The following HDAC2 variants were observed in gnomAD, a reference collection of about 807,000 sequenced individuals.
HDAC2 encodes the protein histone deacetylase 2, also known as YY1-associated factor 1.
A neutral mutation model predicts 68.5 loss-of-function variants in HDAC2; 5 were observed. That is an observed-to-expected ratio of 0.07 (90% CI 0.04 to 0.15). The LOEUF is 0.15. Among genes scored for constraint, HDAC2 ranks in the 10% least tolerant of loss-of-function variants. The probability of loss-of-function intolerance (pLI) is 1.00; values close to 1 mark genes in which losing one functional copy is unlikely to be tolerated. For synonymous variants in HDAC2, 182 were observed against 191.3 expected (o/e 0.95, Z 0.40); for missense variants, 291 against 600.8 (o/e 0.48, Z 5.39).
chr6:113,963,584 T>C (rs1348168029), intron 1 of HDAC2, among the ~76,000 whole-genome samples: 1 of 152,208 alleles, frequency 6.6e-6, no homozygotes, highest in Non-Finnish European at 1.5e-5. Flanking sequence ...ACCAACTTAA[T>C]AGTCAAGGAA....
At chr6:113,956,977 TTTAA>T (rs200368035) in intron 3 of HDAC2, 5,296 of 261,210 alleles carry the variant, frequency 0.02, 77 homozygotes, top group Middle Eastern at 0.05. Context: ...ACAATTCTTA[TTTAA>T]TTAAAACACA....
chr6:113,945,197 TAA>T (rs34041761), intron 10 of HDAC2, among the ~76,000 whole-genome samples, 163 bp downstream of exon 10: 38 of 134,852 alleles, frequency 2.8e-4, no homozygotes, highest in East Asian at 4.3e-4. Flanking sequence ...AATTAAAAAT[TAA>T]AAAAAAAAAA....
intron 5 of HDAC2, among the ~76,000 whole-genome samples, chr6:113,954,136 T>C (rs905098811): frequency 1.3e-5 from 2 of 152,264 alleles, no homozygotes; most frequent in African/African-American, 4.8e-5. Flanking sequence ...AATCACCATG[T>C]CATGACATTT....
chr6:113,937,242 C>T lies in HDAC2; in HGVS notation c.*3816G>A, dbSNP rs1324155049. On this transcript the variant is annotated 3_prime_UTR_variant, in exon 14 of 14. Transcript: ENST00000519065. ...AATATGAATAACAAATATTATGAAT[C>T]GCAGTTATCAAAAAAACTTCAGCAG... 6.6e-6 allele frequency: 1 copy of T among 152,166 alleles called. No individual in the cohort carries two copies. Among genetic ancestry groups the T allele is most frequent in the Non-Finnish European group, 1.5e-5 (1 of 68,034 alleles). The allele number at this position is 152,166 out of a possible 1,614,324, so 9.4% of individuals were successfully genotyped here.
At position 113,956,689 on chromosome 6, in the gene HDAC2, A is replaced by G. The variant is rs199686578; in HGVS notation, c.288T>C (p.Asn96=). The stretch of plus-strand genomic sequence containing the variant: ...CAAACACTGGACAATCTTCTCCAAC[A>G]TTAACTGTGGAAGATGGATTTCATT... The part of the protein sequence containing the change: ...SEYSKQMQRF[N]VGEDCPVFDG... The change falls in exon 4 of 14, where the codon AAT becomes AAC. Residue 96 remains asparagine, a synonymous_variant. Coordinates refer to ENST00000519065, the MANE Select transcript of HDAC2 (RefSeq NM_001527.4). 7 of 1,606,554 alleles carry G rather than the reference A, an allele frequency of 4.4e-6. No individual in the cohort carries two copies. Among genetic ancestry groups the G allele is most frequent in the Non-Finnish European group, 6.0e-6 (7 of 1,173,388 alleles).
intron 5 of HDAC2, among the ~76,000 whole-genome samples, chr6:113,954,996 A>G (rs1776514811): frequency 6.6e-6 from 1 of 152,226 alleles, no homozygotes; most frequent in Non-Finnish European, 1.5e-5. Flanking sequence ...TCATTCAGAT[A>G]TGGAAGTTAG....
chr6:113,964,958 A>G (rs1344343833), intron 1 of HDAC2, among the ~76,000 whole-genome samples: 1 of 152,156 alleles, frequency 6.6e-6, no homozygotes, highest in Non-Finnish European at 1.5e-5. Flanking sequence ...TTGAGGCCCA[A>G]ATCTCTCTTA....
At chr6:113,960,969 A>T (rs2114614127) in intron 1 of HDAC2, among the ~76,000 whole-genome samples, 1 of 152,208 alleles carries the variant, frequency 6.6e-6, no homozygotes, top group East Asian at 1.9e-4. Context: ...GCATTGTATT[A>T]GGTATTATGA....
chr6:113,958,155 T>C (rs1776600437), intron 3 of HDAC2, among the ~76,000 whole-genome samples: 1 of 152,230 alleles, frequency 6.6e-6, no homozygotes, highest in Non-Finnish European at 1.5e-5. Context: ...AATTTGTTAC[T>C]AATCTCTAAA....
At chr6:113,941,148 A>C in intron 13 of HDAC2, 60 bp from the exon 14 acceptor site, 4 of 1,277,902 alleles carry the variant, frequency 3.1e-6, no homozygotes, top group Non-Finnish European at 4.5e-6. Flanking sequence ...AAATGCACTG[A>C]CCTATTATAT....
chr6:113,966,722 T>G (rs1314414790), intron 1 of HDAC2, among the ~76,000 whole-genome samples: 1 of 152,032 alleles, frequency 6.6e-6, no homozygotes, highest in African/African-American at 2.4e-5. Flanking sequence ...AGTTATATGG[T>G]ACAACCAAAA....
At chr6:113,946,218 A>AG in intron 8 of HDAC2, 70 bp from the exon 9 acceptor site, 1 of 1,304,194 alleles carries the variant, frequency 7.7e-7, no homozygotes, top group South Asian at 1.4e-5. Flanking sequence ...AATTTTAAAA[A>AG]GATAATAAGT....
chr6:113,960,026 A>G lies in HDAC2; in HGVS notation c.53-8T>C. 1 of 1,283,916 alleles carries G rather than the reference A, an allele frequency of 7.8e-7. No homozygotes were observed. The highest frequency in any genetic ancestry group is 1.1e-6 in the Non-Finnish European group (1 of 879,418). 79.5% of individuals were successfully genotyped at this position (1,283,916 alleles called of 1,614,324 possible). A position where few individuals can be genotyped will look rare whatever the true frequency, so the allele number is the denominator to read the frequency against. On this transcript the variant is annotated splice_region_variant and splice_polypyrimidine_tract_variant and intron_variant, in intron 1 of 13. Transcript: ENST00000519065. ...AATAATTTCCAATATCACCTAAAAT[A>G]GAAAAGACACAAACTAAACAATACA...
chr6:113,960,461 T>A (rs1297653096), intron 1 of HDAC2, among the ~76,000 whole-genome samples: 1 of 152,050 alleles, frequency 6.6e-6, no homozygotes, highest in Non-Finnish European at 1.5e-5. Flanking sequence ...GCGTTTTGCA[T>A]GTTAAAACAT....
chr6:113,953,503 T>G, intron 5 of HDAC2, 85 bp from the exon 6 acceptor site: 1 of 729,490 alleles, frequency 1.4e-6, no homozygotes, highest in Non-Finnish European at 2.3e-6. Context: ...AACCCATTTT[T>G]GAGCTCTTGC....
chr6:113,952,837 T>C (rs1318194722), intron 6 of HDAC2, among the ~76,000 whole-genome samples: 1 of 151,734 alleles, frequency 6.6e-6, no homozygotes, highest in Admixed American at 6.6e-5. Context: ...TTTTAGAAGC[T>C]TAAAGAAAAA....
In HDAC2 at chr6:113,956,156, G is replaced by A. The variant is rs770124758; in HGVS notation, c.359-5C>T. ...GGTTTAACTTCACAGCTCCAGCTAA[G>A]AAGTAGAAACAAGATAGACCTTTTA... On this transcript the variant is annotated splice_polypyrimidine_tract_variant and splice_region_variant and intron_variant, in intron 4 of 13. Transcript: ENST00000519065. 3 of 1,594,718 alleles carry A rather than the reference G, an allele frequency of 1.9e-6. No homozygotes were observed. In the African/African-American group the frequency reaches 4.1e-5, roughly 22 times the overall value.
chr6:113,941,698 C>T lies in HDAC2; in HGVS notation c.1436+10G>A, dbSNP rs1339926481. 4 of 1,259,526 alleles carry T rather than the reference C, an allele frequency of 3.2e-6. No individual in the cohort carries two copies. The highest frequency in any genetic ancestry group is 4.5e-6 in the Non-Finnish European group (4 of 893,398). The allele number at this position is 1,259,526 out of a possible 1,614,324, so 78.0% of individuals were successfully genotyped here. ...TATGTAAAAAGTACTTGATAAGGAACATCATTTACCCTTTGGTATCTGTTT... is the reference window on the plus strand; with the variant it reads ...TATGTAAAAAGTACTTGATAAGGAATATCATTTACCCTTTGGTATCTGTTT... On this transcript the variant is annotated intron_variant, in intron 13 of 13. Transcript: ENST00000519065.
At chr6:113,947,075 C>T (rs1250733329) in intron 8 of HDAC2, 1 of 152,102 alleles carries the variant, frequency 6.6e-6, no homozygotes, top group Non-Finnish European at 1.5e-5. Flanking sequence ...ATGTGATTTA[C>T]ATAATTCTAG....
Sources: allele counts gnomAD v4.1 joint callset (sites outside exome capture counted in the v4.1 genomes callset), GRCh38; gene constraint gnomAD v4.1.1; transcripts MANE v1.5; gene names NCBI Gene and HGNC (gene_info 2026-07-23, HGNC 2026-07-21).